MYO1A: variants seen among roughly 807,000 people sequenced by gnomAD.
The protein encoded by MYO1A is myosin IA.
A neutral mutation model predicts 138.5 loss-of-function variants in MYO1A; 127 were observed. The observed-to-expected ratio is 0.92, with a 90% CI of 0.79 to 1.06. The LOEUF (loss-of-function observed/expected upper bound fraction) is 1.06. Among genes scored for constraint, MYO1A ranks in the 50% least tolerant of loss-of-function variants. The pLI, the probability that MYO1A is intolerant of heterozygous loss-of-function variation, is 0.00. For synonymous variants in MYO1A, 477 were observed against 497.5 expected, an observed-to-expected ratio of 0.96 and a Z score of 0.55; for missense variants, 1,211 against 1,288.8, an observed-to-expected ratio of 0.94 and a Z score of 0.92.
chr12:57,035,809 G>A lies in MYO1A; in HGVS notation c.2349+498C>T, dbSNP rs61939637. On this transcript the variant is annotated intron_variant, in intron 22 of 27. Coordinates refer to ENST00000300119, the MANE Select transcript of MYO1A (RefSeq NM_005379.4). ...CATCCAGCCTGACCCACGTCCTCCA[G>A]AATTAGGATAGGTCCTTCCTGAGAT... 5.6e-3 allele frequency among the ~76,000 whole-genome samples: 854 copies of A among 152,326 alleles called. 5 individuals carry two copies. Among genetic ancestry groups the A allele is most frequent in the Non-Finnish European group, 7.8e-3 (532 of 68,016 alleles).
intron 12 of MYO1A, 39 bp from the exon 13 acceptor site, chr12:57,041,536 C>T (rs1185104164): frequency 6.5e-7 from 1 of 1,549,624 alleles, no homozygotes; most frequent in Non-Finnish European, 8.9e-7. Flanking sequence ...GACAGGCCCC[C>T]TCTGCACACC....
intron 10 of MYO1A, 37 bp from the exon 11 acceptor site, chr12:57,043,395 C>T (rs1425989240): frequency 6.3e-7 from 1 of 1,587,152 alleles, no homozygotes; most frequent in Non-Finnish European, 8.7e-7. Flanking sequence ...TCCTTAGAGG[C>T]AGCTTTCTCT....
intron 12 of MYO1A, among the ~76,000 whole-genome samples, chr12:57,041,868 A>G (rs2030875939): frequency 6.6e-6 from 1 of 152,220 alleles, no homozygotes; most frequent in African/African-American, 2.4e-5. Context: ...TACAGATAAC[A>G]AAGTCAAATT....
At chr12:57,035,737 G>A (rs539790527) in intron 22 of MYO1A, among the ~76,000 whole-genome samples, 20 of 152,286 alleles carry the variant, frequency 1.3e-4, no homozygotes, top group African/African-American at 4.8e-4. Context: ...CTCCCCCTGG[G>A]AGCTGTCTGT....
chr12:57,044,103 C>G lies in MYO1A; in HGVS notation c.744+3G>C, dbSNP rs1347858419. The G allele has an allele frequency of 1.9e-6, 3 of 1,614,228 alleles. No homozygotes were observed. Among genetic ancestry groups the G allele is most frequent in the African/African-American group, 1.3e-5 (1 of 75,058 alleles). On this transcript the variant is annotated splice_donor_region_variant and intron_variant, in intron 9 of 27. Transcript: ENST00000300119. ...CCAAGCCTGCCTCACCCTGGGCACCCACCTGTACAGCCCTGAAGCTGGAGG... is the reference window on the plus strand; with the variant it reads ...CCAAGCCTGCCTCACCCTGGGCACCGACCTGTACAGCCCTGAAGCTGGAGG...
intron 3 of MYO1A, 118 bp from the exon 4 acceptor site, chr12:57,047,839 T>C (rs1288727168): frequency 3.2e-6 from 5 of 1,563,452 alleles, no homozygotes; most frequent in African/African-American, 1.4e-5. Flanking sequence ...CTGGGCAAGA[T>C]GTGACAGGCC....
At chr12:57,038,338 C>T (rs2030673052) in intron 17 of MYO1A, 74 bp downstream of exon 17, 12 of 1,494,118 alleles carry the variant, frequency 8.0e-6, no homozygotes, top group South Asian at 5.7e-5. Context: ...CCCACATGGA[C>T]GTGTTCTACA....
Position 57,038,916 on chromosome 12 carries a change from A to G in MYO1A, c.1426T>C (p.Phe476Leu). ...STFLAKLNQL[F>L]SKHGHYESKV... Reference sequence around the variant, plus strand: ...CTCTCGTAGTGGCCATGCTTGGAGAAGAGCTGGTTCAGCTTTGCTAGGAAA... The same window carrying G: ...CTCTCGTAGTGGCCATGCTTGGAGAGGAGCTGGTTCAGCTTTGCTAGGAAA... Residue 476 changes from phenylalanine to leucine, a missense_variant, in exon 16 of 28, where the codon TTC (phenylalanine) becomes CTC (leucine). Phe to Leu is a conservative substitution (Grantham distance 22). Transcript: ENST00000300119. The G allele has an allele frequency of 6.2e-7, 1 of 1,614,166 alleles. No individual in the cohort carries two copies. The highest frequency in any genetic ancestry group is 8.5e-7 in the Non-Finnish European group (1 of 1,180,012).
Position 57,028,992 on chromosome 12 carries a change from A to C in MYO1A, c.3006-111T>G, listed in dbSNP as rs1171109659. On this transcript the variant is annotated intron_variant, in intron 27 of 27. Coordinates refer to ENST00000300119, the MANE Select transcript of MYO1A (RefSeq NM_005379.4). ...GTCAGAGGACTTGAGGCCCCAGAGA[A>C]CCTGGGTGGGGGCCTGAGAAACACC... 3 of 1,590,410 alleles carry C rather than the reference A, an allele frequency of 1.9e-6. No individual in the cohort carries two copies. The East Asian group carries it at 6.7e-5, about 36-fold the overall frequency.
At position 57,038,537 on chromosome 12, in the gene MYO1A, G is replaced by A. The variant is rs1182971547; in HGVS notation, c.1635C>T (p.Ser545=). 6.2e-7 allele frequency: 1 copy of A among 1,614,202 alleles called. No individual in the cohort carries two copies. The highest frequency in any genetic ancestry group is 8.5e-7 in the Non-Finnish European group (1 of 1,180,044). Residue 545 remains serine, a synonymous_variant, in exon 17 of 28, where the codon TCC becomes TCT. Transcript: ENST00000300119. ...MWKAQHPLLR[S]LFPEGNPKQA... is the part of the protein sequence containing the mutation. ...GCTTAGGATTGCCCTCAGGAAACAA[G>A]GACCGAAGGAGGGGGTGCTGGGCCT... is the stretch of plus-strand genomic sequence containing the variant.
In MYO1A at chr12:57,031,144, T is replaced by C; in HGVS notation, c.2380A>G (p.Asn794Asp). Residue 794 changes from asparagine (N) to aspartate (D), a missense_variant, in exon 23 of 28, where the codon AAT (asparagine) becomes GAT (aspartate). Transcript: ENST00000300119. ...VQKFLLGLKNNLPSTNVLDKT... is the reference protein window; with the variant it reads ...VQKFLLGLKNDLPSTNVLDKT... Reference sequence around the variant, plus strand: ...TCTAAGACGTTTGTGGATGGCAAATTGTTCTTCAGCCCCAGTAGGAATTTC... The same window carrying C: ...TCTAAGACGTTTGTGGATGGCAAATCGTTCTTCAGCCCCAGTAGGAATTTC... The C allele has an allele frequency of 1.2e-6, 2 of 1,614,108 alleles. No individual in the cohort carries two copies. Among genetic ancestry groups the C allele is most frequent in the Non-Finnish European group, 1.7e-6 (2 of 1,180,010 alleles).
chr12:57,037,455 CA>C, intron 19 of MYO1A, 92 bp downstream of exon 19: 1 of 1,110,472 alleles, frequency 9.0e-7, no homozygotes, highest in East Asian at 2.3e-5. Flanking sequence ...TGATCCATTC[CA>C]GGTTATACAC....
At chr12:57,029,028 G>A (rs150260201) in intron 27 of MYO1A, 104 bp downstream of exon 27, 31 of 1,606,060 alleles carry the variant, frequency 1.9e-5, no homozygotes, top group Admixed American at 3.3e-5. Context: ...TCCAAGCCCC[G>A]GCCTGCACTG....
In MYO1A at chr12:57,037,542, A is replaced by G; in HGVS notation, c.2055+6T>C. ...TCACCAAATGCTAATGCACTCTCTA[A>G]CTCACAGTCTTGGGGCTTCTAATGA... On this transcript the variant is annotated splice_donor_region_variant and intron_variant, in intron 19 of 27. Coordinates refer to ENST00000300119, the MANE Select transcript of MYO1A (RefSeq NM_005379.4). 1.2e-6 allele frequency: 2 copies of G among 1,613,368 alleles called. No individual in the cohort carries two copies. Among genetic ancestry groups the G allele is most frequent in the East Asian group, 2.2e-5 (1 of 44,852 alleles).
At chr12:57,041,524 A>G (rs1487068633) in intron 12 of MYO1A, 27 bp from the exon 13 acceptor site, 1 of 1,594,900 alleles carries the variant, frequency 6.3e-7, no homozygotes, top group Non-Finnish European at 8.6e-7. Flanking sequence ...GATAAATCTG[A>G]GGACAGGCCC....
chr12:57,037,675 G>T, intron 18 of MYO1A, 34 bp from the exon 19 acceptor site: 1 of 1,591,846 alleles, frequency 6.3e-7, no homozygotes, highest in Non-Finnish European at 8.6e-7. Flanking sequence ...CTGCAGAGGG[G>T]TATCTCAGGA....
At chr12:57,031,501 CT>C (rs2136435503) in intron 22 of MYO1A, among the ~76,000 whole-genome samples, 1 of 152,278 alleles carries the variant, frequency 6.6e-6, no homozygotes, top group South Asian at 2.1e-4. Flanking sequence ...CTTTCTATTC[CT>C]TCTGTTCACA....
chr12:57,039,368 A>G, intron 14 of MYO1A, 94 bp from the exon 15 acceptor site: 1 of 933,818 alleles, frequency 1.1e-6, no homozygotes, highest in Non-Finnish European at 1.8e-6. Context: ...CCAACAAAGG[A>G]CATCAGAAAG....
chr12:57,035,363 C>T (rs929217570), intron 22 of MYO1A, among the ~76,000 whole-genome samples: 14 of 152,090 alleles, frequency 9.2e-5, no homozygotes, highest in African/African-American at 1.2e-4. Context: ...GGGAAGAGGA[C>T]GAGCAAATGA....
Sources: gnomAD v4.1 joint callset for allele counts (sites outside exome capture counted in the v4.1 genomes callset) on GRCh38, gnomAD v4.1.1 for gene constraint, MANE v1.5 for transcripts, NCBI Gene and HGNC (gene_info 2026-07-23, HGNC 2026-07-21) for gene names.